The following GALNT4 variants were observed in gnomAD, a reference collection of about 807,000 sequenced individuals.
GALNT4 encodes the protein UDP-GalNAc:polypeptide N-acetylgalactosaminyltransferase 4.
GALNT4 carries 23 observed loss-of-function variants against 45.1 expected under a neutral mutation model. The observed-to-expected ratio is 0.51, with a 90% CI of 0.37 to 0.72. The LOEUF is 0.72. Among genes scored for constraint, GALNT4 ranks in the 30% least tolerant of loss-of-function variants. The probability of loss-of-function intolerance (pLI) is 0.00; values close to 1 mark genes in which losing one functional copy is unlikely to be tolerated. For missense variants in GALNT4, 757 were observed against 709.0 expected (o/e 1.07, Z -0.77); for synonymous variants, 264 against 257.6 (o/e 1.02, Z -0.24).
chr12:89,524,720 C>A lies in GALNT4; in HGVS notation c.-171G>T, dbSNP rs1252573958. ...TTTCCAGGGGTCACCTGAGCCCTCT[C>A]GGTCCTCGGCCTCCGGCACAGCCCA... On this transcript the variant is annotated 5_prime_UTR_variant, in exon 1 of 1. Transcript: ENST00000529983. 3 of 694,686 alleles carry A rather than the reference C, an allele frequency of 4.3e-6. No homozygotes were observed. The highest frequency in any genetic ancestry group is 3.8e-5 in the South Asian group (2 of 52,344). The allele number at this position is 694,686 out of a possible 1,614,324, so 43.0% of individuals were successfully genotyped here.
Position 89,522,193 on chromosome 12 carries a change from G to T in GALNT4, c.*620C>A. On this transcript the variant is annotated 3_prime_UTR_variant, in exon 1 of 1. Coordinates refer to ENST00000529983, the MANE Select transcript of GALNT4 (RefSeq NM_003774.5). ...ATATCTCCCCATTTCATTTAAATATGGGTATGTCTGCATGTTAAAAAGGCC... is the reference window on the plus strand; with the variant it reads ...ATATCTCCCCATTTCATTTAAATATTGGTATGTCTGCATGTTAAAAAGGCC... 2.5e-6 allele frequency: 1 copy of T among 398,594 alleles called. No homozygotes were observed. The highest frequency in any genetic ancestry group is 1.3e-4 in the South Asian group (1 of 7,838). The allele number at this position is 398,594 out of a possible 1,614,324, so 24.7% of individuals were successfully genotyped here. A position where few individuals can be genotyped will look rare whatever the true frequency, so the allele number is the denominator to read the frequency against.
Position 89,520,604 on chromosome 12 carries a change from A to C in GALNT4, c.*2209T>G, listed in dbSNP as rs955342515. 1 of 152,196 alleles carries C rather than the reference A, an allele frequency of 6.6e-6. No homozygotes were observed. Among genetic ancestry groups the C allele is most frequent in the Non-Finnish European group, 1.5e-5 (1 of 68,030 alleles). 9.4% of individuals were successfully genotyped at this position (152,196 alleles called of 1,614,324 possible). A position where few individuals can be genotyped will look rare whatever the true frequency, so the allele number is the denominator to read the frequency against. On this transcript the variant is annotated 3_prime_UTR_variant, in exon 1 of 1. Coordinates refer to ENST00000529983, the MANE Select transcript of GALNT4 (RefSeq NM_003774.5). Reference sequence around the variant, plus strand: ...TTTAAGGCTGCTAAATAATTTACAGAAACTGTGAATGCATTTTCATTTTAC... The same window carrying C: ...TTTAAGGCTGCTAAATAATTTACAGCAACTGTGAATGCATTTTCATTTTAC...
rs192636409 is a variant in GALNT4, at chr12:89,522,665, T to C, written c.*148A>G. 4.0e-6 allele frequency: 4 copies of C among 991,840 alleles called. No homozygotes were observed. The highest frequency in any genetic ancestry group is 3.4e-5 in the Admixed American group (1 of 29,758). The allele number at this position is 991,840 out of a possible 1,614,324, so 61.4% of individuals were successfully genotyped here. A position where few individuals can be genotyped will look rare whatever the true frequency, so the allele number is the denominator to read the frequency against. ...CTGGGTACCCAGTTTCAGTGTGATA[T>C]ACCAAAATGAACCCCAGCTTTCCAG... On this transcript the variant is annotated 3_prime_UTR_variant, in exon 1 of 1. Transcript: ENST00000529983.
chr12:89,523,005 C>T lies in GALNT4; in HGVS notation c.1545G>A (p.Met515Ile). Residue 515 changes from methionine (M) to isoleucine (I), a missense_variant, in exon 1 of 1, where the codon ATG (methionine) becomes ATA (isoleucine). Transcript: ENST00000529983. ...EVPEQKNYVGMQNCPKDGFPV... is the reference protein window; with the variant it reads ...EVPEQKNYVGIQNCPKDGFPV... The stretch of plus-strand genomic sequence containing the variant: ...GGAACCCATCTTTGGGACAATTTTG[C>T]ATTCCCACATAATTTTTTTGCTCAG... 6.2e-7 allele frequency: 1 copy of T among 1,613,856 alleles called. No individual in the cohort carries two copies. The highest frequency in any genetic ancestry group is 8.5e-7 in the Non-Finnish European group (1 of 1,179,824).
Position 89,523,666 on chromosome 12 carries a change from T to C in GALNT4, c.884A>G (p.Asp295Gly). 2 of 1,538,206 alleles carry C rather than the reference T, an allele frequency of 1.3e-6. No homozygotes were observed. Among genetic ancestry groups the C allele is most frequent in the Non-Finnish European group, 1.7e-6 (2 of 1,148,858 alleles). ...GGGGTCAATTCTTGATATCCGCCTG[T>C]CCCTTTCCTGTTTGGGGACAGAATG... ...QWHSVPKQER[D>G]RRISRIDPIR... Residue 295 changes from aspartate to glycine, a missense_variant, in exon 1 of 1, where the codon GAC (aspartate) becomes GGC (glycine). Coordinates refer to ENST00000529983, the MANE Select transcript of GALNT4 (RefSeq NM_003774.5).
At position 89,519,516 on chromosome 12, in the gene GALNT4, C is replaced by A. The variant is rs1474331909; in HGVS notation, c.*3297G>T. Reference sequence around the variant, plus strand: ...AACTCATCACAGAGGAAAAAAACATCATTCAGAAGAGATTAATCTGAACTT... The same window carrying A: ...AACTCATCACAGAGGAAAAAAACATAATTCAGAAGAGATTAATCTGAACTT... On this transcript the variant is annotated 3_prime_UTR_variant, in exon 1 of 1. Coordinates refer to ENST00000529983, the MANE Select transcript of GALNT4 (RefSeq NM_003774.5). 6.6e-6 allele frequency: 1 copy of A among 152,506 alleles called. No individual in the cohort carries two copies. The highest frequency in any genetic ancestry group is 1.5e-5 in the Non-Finnish European group (1 of 68,000). The allele number at this position is 152,506 out of a possible 1,614,324, so 9.4% of individuals were successfully genotyped here.
Position 89,524,240 on chromosome 12 carries a change from T to G in GALNT4, c.310A>C (p.Ile104Leu). The change falls in exon 1 of 1, where the codon ATT becomes CTT. Residue 104 changes from isoleucine (I) to leucine (L), a missense_variant. By Grantham distance (5) the Ile-to-Leu change is conservative. Coordinates refer to ENST00000529983, the MANE Select transcript of GALNT4 (RefSeq NM_003774.5). ...AGGGAAATCCTGTCACTGAGGTAAA[T>G]ATTGATGGCGTATCTCTCAATGAGT... ...EELIERYAIN[I>L]YLSDRISLHR... 6.2e-7 allele frequency: 1 copy of G among 1,613,988 alleles called. No individual in the cohort carries two copies. The highest frequency in any genetic ancestry group is 2.2e-5 in the East Asian group (1 of 44,888).
At position 89,524,796 on chromosome 12, in the gene GALNT4, C is replaced by T; in HGVS notation, c.-247G>A. 1 of 618,296 alleles carries T rather than the reference C, an allele frequency of 1.6e-6. No homozygotes were observed. Among genetic ancestry groups the T allele is most frequent in the East Asian group, 2.8e-5 (1 of 36,050 alleles). 38.3% of individuals were successfully genotyped at this position (618,296 alleles called of 1,614,324 possible). A position where few individuals can be genotyped will look rare whatever the true frequency, so the allele number is the denominator to read the frequency against. On this transcript the variant is annotated 5_prime_UTR_variant, in exon 1 of 1. Transcript: ENST00000529983. ...CTCGGCTCACAACTTTTCACAAACT[C>T]TCCAGCCAACACCCCACCCTCCCCG... is the stretch of plus-strand genomic sequence containing the variant.
In GALNT4 at chr12:89,523,614, T is replaced by TC; in HGVS notation, c.935dup (p.Leu313ThrfsTer16). The TC allele has an allele frequency of 6.4e-7, 1 of 1,554,182 alleles. No homozygotes were observed. The highest frequency in any genetic ancestry group is 8.7e-7 in the Non-Finnish European group (1 of 1,155,158). The stretch of plus-strand genomic sequence containing the variant: ...AATATTTCTTGCTGACAGCAAACAG[T>TC]CCTCCAGCCATGGTAGGTGATCTGA... On this transcript the variant is annotated frameshift_variant, in exon 1 of 1. Transcript: ENST00000529983. LOFTEE classifies it high-confidence loss of function.
rs1870987880 is a variant in GALNT4 at position 89,522,724 on chromosome 12, A to C, written c.*89T>G. The C allele has an allele frequency of 6.1e-6, 9 of 1,486,012 alleles. No individual in the cohort carries two copies. Among genetic ancestry groups the C allele is most frequent in the Non-Finnish European group, 8.0e-6 (9 of 1,118,168 alleles). The allele number at this position is 1,486,012 out of a possible 1,614,324, so 92.1% of individuals were successfully genotyped here. ...AGATGACTGCTAGGTGGCTTTTGAT[A>C]AAATAAAATACAATCTTCACTGAGG... On this transcript the variant is annotated 3_prime_UTR_variant, in exon 1 of 1. Transcript: ENST00000529983.
Position 89,523,414 on chromosome 12 carries a change from G to C in GALNT4, c.1136C>G (p.Thr379Ser), listed in dbSNP as rs1871102404. The C allele has an allele frequency of 1.2e-6, 2 of 1,613,922 alleles. No homozygotes were observed. Among genetic ancestry groups the C allele is most frequent in the Admixed American group, 3.3e-5 (2 of 60,012 alleles). ...PYARPNFLQN[T>S]ARAAEVWMDE... ...CATCCAAACTTCTGCTGCCCGAGCA[G>C]TATTCTGTAGGAAATTGGGGCGAGC... The change falls in exon 1 of 1, where the codon ACT (threonine) becomes AGT (serine). Residue 379 changes from threonine to serine, a missense_variant. Physicochemically the swap from Thr to Ser is moderately conservative, Grantham distance 58 (BLOSUM62 1). Coordinates refer to ENST00000529983, the MANE Select transcript of GALNT4 (RefSeq NM_003774.5).
chr12:89,523,389 C>T lies in GALNT4; in HGVS notation c.1161G>A (p.Met387Ile), dbSNP rs751189155. 6.2e-7 allele frequency: 1 copy of T among 1,614,044 alleles called. No individual in the cohort carries two copies. The highest frequency in any genetic ancestry group is 1.1e-5 in the South Asian group (1 of 91,088). ...QNTARAAEVW[M>I]DEYKEHFYNR... ...TGTAGAAGTGCTCTTTGTATTCATC[C>T]ATCCAAACTTCTGCTGCCCGAGCAG... The change falls in exon 1 of 1, where the codon ATG (methionine) becomes ATA (isoleucine). Residue 387 changes from methionine to isoleucine, a missense_variant. Coordinates refer to ENST00000529983, the MANE Select transcript of GALNT4 (RefSeq NM_003774.5).
In GALNT4 at chr12:89,523,068, T is replaced by C. The variant is rs1480894369; in HGVS notation, c.1482A>G (p.Ile494Met). The C allele has an allele frequency of 6.2e-6, 10 of 1,613,886 alleles. No homozygotes were observed. In the African/African-American group the frequency reaches 1.2e-4, roughly 19 times the overall value. ...QFFEYTSNKE[I>M]RFNSVTELCA... ...ATAACTCTGTCACAGAATTAAACCT[T>C]ATTTCTTTGTTTGAAGTATATTCAA... Residue 494 changes from isoleucine (I) to methionine (M), a missense_variant, in exon 1 of 1, where the codon ATA (isoleucine) becomes ATG (methionine). Physicochemically the swap from Ile to Met is conservative, Grantham distance 10 (BLOSUM62 1). Transcript: ENST00000529983.
Position 89,521,098 on chromosome 12 carries a change from A to ATTTTTTTTTTTTTTT in GALNT4, c.*1714_*1715insAAAAAAAAAAAAAAA, listed in dbSNP as rs201411448. On this transcript the variant is annotated 3_prime_UTR_variant, in exon 1 of 1. Coordinates refer to ENST00000529983, the MANE Select transcript of GALNT4 (RefSeq NM_003774.5). ...CACTTCAGGTGAGTTCAGCTCACTT[A>ATTTTTTTTTTTTTTT]TTTTATTATTATTTTTTTTTTTTGA... 2 of 113,250 alleles carry ATTTTTTTTTTTTTTT rather than the reference A, an allele frequency of 1.8e-5. 1 individual carries two copies. Among genetic ancestry groups the ATTTTTTTTTTTTTTT allele is most frequent in the Non-Finnish European group, 3.6e-5 (2 of 55,070 alleles). 7.0% of individuals were successfully genotyped at this position (113,250 alleles called of 1,614,324 possible). A position where few individuals can be genotyped will look rare whatever the true frequency, so the allele number is the denominator to read the frequency against.
Position 89,524,751 on chromosome 12 carries a change from T to A in GALNT4, c.-202A>T, listed in dbSNP as rs2135783739. The A allele has an allele frequency of 3.1e-6, 2 of 641,160 alleles. No individual in the cohort carries two copies. The highest frequency in any genetic ancestry group is 5.5e-6 in the Non-Finnish European group (2 of 364,100). The allele number at this position is 641,160 out of a possible 1,614,324, so 39.7% of individuals were successfully genotyped here. On this transcript the variant is annotated 5_prime_UTR_variant, in exon 1 of 1. Transcript: ENST00000529983. ...TCGGCCTCCGGCACAGCCCAACTCC[T>A]CTCTCCCTACTTCCTCCTGCTCGGC...
rs1871260032 is a variant in GALNT4 at position 89,524,669 on chromosome 12, C to T, written c.-120G>A. 1.9e-6 allele frequency: 2 copies of T among 1,077,116 alleles called. No individual in the cohort carries two copies. Among genetic ancestry groups the T allele is most frequent in the African/African-American group, 1.6e-5 (1 of 63,144 alleles). The allele number at this position is 1,077,116 out of a possible 1,614,324, so 66.7% of individuals were successfully genotyped here. A position where few individuals can be genotyped will look rare whatever the true frequency, so the allele number is the denominator to read the frequency against. On this transcript the variant is annotated 5_prime_UTR_variant, in exon 1 of 1. Transcript: ENST00000529983. ...GCAGGTTCTTCCTTTCATGCAGGCGCTAGGCTCCTTTCCAGCCACCCAGGC... is the reference window on the plus strand; with the variant it reads ...GCAGGTTCTTCCTTTCATGCAGGCGTTAGGCTCCTTTCCAGCCACCCAGGC...
In GALNT4 at chr12:89,522,104, C is replaced by G; in HGVS notation, c.*709G>C. ...AGACAGCTTACAAAATCAGAGGAATCTGAGGTATTAATATATACATCAGTG... is the reference window on the plus strand; with the variant it reads ...AGACAGCTTACAAAATCAGAGGAATGTGAGGTATTAATATATACATCAGTG... On this transcript the variant is annotated 3_prime_UTR_variant, in exon 1 of 1. Coordinates refer to ENST00000529983, the MANE Select transcript of GALNT4 (RefSeq NM_003774.5). 2.5e-6 allele frequency: 1 copy of G among 398,964 alleles called. No individual in the cohort carries two copies. The highest frequency in any genetic ancestry group is 4.4e-6 in the Non-Finnish European group (1 of 226,042). The allele number at this position is 398,964 out of a possible 1,614,324, so 24.7% of individuals were successfully genotyped here. A position where few individuals can be genotyped will look rare whatever the true frequency, so the allele number is the denominator to read the frequency against.
At position 89,524,042 on chromosome 12, in the gene GALNT4, T is replaced by C. The variant is rs768578637; in HGVS notation, c.508A>G (p.Ile170Val). 4.3e-6 allele frequency: 7 copies of C among 1,613,550 alleles called. No individual in the cohort carries two copies. Among genetic ancestry groups the C allele is most frequent in the African/African-American group, 1.3e-5 (1 of 75,020 alleles). The change falls in exon 1 of 1, where the codon ATC becomes GTC. Residue 170 changes from isoleucine to valine, a missense_variant. Transcript: ENST00000529983. ...TCACTCAAGTCATCCACCAAGATGA[T>C]CTCTTTCAAAAGAACTGCAGGAGAA... ...ETSPAVLLKEIILVDDLSDRV... is the reference protein window; with the variant it reads ...ETSPAVLLKEVILVDDLSDRV...
In GALNT4 at chr12:89,524,296, A is replaced by G. The variant is rs777245380; in HGVS notation, c.254T>C (p.Leu85Pro). 1.2e-6 allele frequency: 2 copies of G among 1,613,952 alleles called. No individual in the cohort carries two copies. The highest frequency in any genetic ancestry group is 3.3e-5 in the Admixed American group (2 of 60,016). ...TTGCTGCTTCAGTTCATCCTCGTTG[A>G]GCTGGAGTTTGCTGGCTTTCCCCCA... is the stretch of plus-strand genomic sequence containing the variant. ...GEWGKASKLQ[L>P]NEDELKQQEE... Residue 85 changes from leucine to proline, a missense_variant, in exon 1 of 1, where the codon CTC becomes CCC. Leu to Pro is a moderately conservative substitution (Grantham distance 98, BLOSUM62 -3). Transcript: ENST00000529983.
Sources: allele counts gnomAD v4.1 joint callset, GRCh38; gene constraint gnomAD v4.1.1; transcripts MANE v1.5; gene names NCBI Gene and HGNC (gene_info 2026-07-23, HGNC 2026-07-21).